LDLRAD4: variants seen among roughly 807,000 people sequenced by gnomAD.
LDLRAD4 encodes low density lipoprotein receptor class A domain containing 4.
In LDLRAD4, 5 loss-of-function variants were observed where a neutral mutation model predicts 17.0. The ratio of observed to expected loss-of-function variants is 0.29; its 90% CI spans 0.15 to 0.62. LDLRAD4 has a LOEUF of 0.62. Ranked by LOEUF, LDLRAD4 falls within the 20% of genes least tolerant of loss-of-function variation. The probability of loss-of-function intolerance (pLI) is 0.84; values close to 1 mark genes in which losing one functional copy is unlikely to be tolerated. For synonymous variants in LDLRAD4, 168 were observed against 171.8 expected, an observed-to-expected ratio of 0.98 and a Z score of 0.17; for missense variants, 340 against 424.7, an observed-to-expected ratio of 0.80 and a Z score of 1.75.
intron 4 of LDLRAD4, among the ~76,000 whole-genome samples, chr18:13,631,128 A>T (rs2041626514): frequency 6.6e-6 from 1 of 152,262 alleles, no homozygotes; most frequent in African/African-American, 2.4e-5. Context: ...ACCCTCAGTA[A>T]GTCATGGCTG....
At chr18:13,529,562 G>A (rs1272101186) in intron 3 of LDLRAD4, among the ~76,000 whole-genome samples, 3 of 152,204 alleles carry the variant, frequency 2.0e-5, no homozygotes, top group Admixed American at 1.3e-4. Flanking sequence ...AATAATACAT[G>A]CCTTTAGGAT....
At chr18:13,383,255 A>G (rs2085523142) in intron 1 of LDLRAD4, among the ~76,000 whole-genome samples, 4 of 152,208 alleles carry the variant, frequency 2.6e-5, no homozygotes, top group Admixed American at 2.6e-4. Context: ...ATACGTATTT[A>G]CTGGGCACCT....
At chr18:13,472,980 A>G (rs1185921529) in intron 3 of LDLRAD4, among the ~76,000 whole-genome samples, 1 of 152,180 alleles carries the variant, frequency 6.6e-6, no homozygotes, top group Admixed American at 6.5e-5. Flanking sequence ...TGTCATTATC[A>G]TTCTCTGAAC....
intron 4 of LDLRAD4, among the ~76,000 whole-genome samples, chr18:13,626,666 A>G (rs2041196372): frequency 6.6e-6 from 1 of 152,244 alleles, no homozygotes; most frequent in Non-Finnish European, 1.5e-5. Flanking sequence ...GATTAAATCG[A>G]TTGTGAAAAT....
intron 4 of LDLRAD4, among the ~76,000 whole-genome samples, chr18:13,640,154 G>A (rs1048356284): frequency 2.6e-5 from 4 of 152,004 alleles, no homozygotes; most frequent in African/African-American, 7.3e-5. Context: ...TTAGCTGGGT[G>A]TGGTGGCGGG....
intron 1 of LDLRAD4, among the ~76,000 whole-genome samples, chr18:13,313,447 C>T (rs1438539828): frequency 1.3e-5 from 2 of 152,184 alleles, no homozygotes; most frequent in Non-Finnish European, 2.9e-5. Flanking sequence ...CAGACGTGCC[C>T]TTGAACACTT....
intron 3 of LDLRAD4, among the ~76,000 whole-genome samples, chr18:13,603,357 TGGGACTTGTTGATCAG>T (rs2095185920): frequency 6.6e-6 from 1 of 152,198 alleles, no homozygotes; most frequent in South Asian, 2.1e-4. Flanking sequence ...GCCTTTTAAA[TGGGACTTGTTGATCAG>T]GAGCCTTCTG....
At chr18:13,220,253 A>G in intron 1 of LDLRAD4, among the ~76,000 whole-genome samples, 1 of 152,180 alleles carries the variant, frequency 6.6e-6, no homozygotes, top group Non-Finnish European at 1.5e-5. Flanking sequence ...CCAGTAAGGG[A>G]TTTGCTGTAA....
intron 3 of LDLRAD4, among the ~76,000 whole-genome samples, chr18:13,493,835 C>T (rs537055511): frequency 6.6e-6 from 1 of 152,240 alleles, no homozygotes; most frequent in East Asian, 1.9e-4. Flanking sequence ...TCCCTGCCTC[C>T]AGCCCCGTGG....
intron 2 of LDLRAD4, among the ~76,000 whole-genome samples, chr18:13,427,883 A>C (rs56203638): frequency 0.41 from 62,944 of 151,736 alleles, 14,081 homozygotes; most frequent in Non-Finnish European, 0.5. Flanking sequence ...GAGGATATTT[A>C]CTCAGCTAGA....
intron 2 of LDLRAD4, among the ~76,000 whole-genome samples, chr18:13,427,044 G>A (rs1454896564): frequency 6.6e-6 from 1 of 152,110 alleles, no homozygotes; most frequent in Non-Finnish European, 1.5e-5. Flanking sequence ...AAATGAGCCA[G>A]GCGTGGTGGT....
Position 13,271,528 on chromosome 18 carries a change from G to T in LDLRAD4, c.-466-6577G>T, listed in dbSNP as rs539520845. 8.5e-5 allele frequency among the ~76,000 whole-genome samples: 13 copies of T among 152,282 alleles called. No homozygotes were observed. In the South Asian group the frequency reaches 2.1e-3, roughly 24 times the overall value. On this transcript the variant is annotated intron_variant, in intron 1 of 5. Coordinates refer to the LDLRAD4 transcript ENST00000399848. Reference sequence around the variant, plus strand: ...GAAGACCAAAGAGTCCGGGTCGAAGGCCTCTTCTCAGTGTTCTTCCCCTTG... The same window carrying T: ...GAAGACCAAAGAGTCCGGGTCGAAGTCCTCTTCTCAGTGTTCTTCCCCTTG...
Position 13,475,998 on chromosome 18 carries a change from G to A in LDLRAD4, c.181+37614G>A, listed in dbSNP as rs553187701. ...GGAACAGGGTGTTTGTCAGGGGAAC[G>A]GGAGGTCAGCCTCATTAGAATGGGG... is the stretch of plus-strand genomic sequence containing the variant. On this transcript the variant is annotated intron_variant, in intron 3 of 5. Coordinates refer to ENST00000359446, the Ensembl canonical transcript of LDLRAD4. Among the ~76,000 whole-genome samples, 5 of 152,248 alleles carry A rather than the reference G, an allele frequency of 3.3e-5. No homozygotes were observed. In the East Asian group the frequency reaches 5.8e-4, roughly 18 times the overall value.
At chr18:13,527,911 T>C (rs894507156) in intron 3 of LDLRAD4, among the ~76,000 whole-genome samples, 2 of 152,092 alleles carry the variant, frequency 1.3e-5, no homozygotes, top group African/African-American at 4.8e-5. Context: ...GGACACCCAT[T>C]CTCAAAGCTT....
intron 1 of LDLRAD4, among the ~76,000 whole-genome samples, chr18:13,345,760 G>A (rs1013932306): frequency 2.2e-4 from 33 of 152,174 alleles, no homozygotes; most frequent in Admixed American, 2.6e-4. Context: ...TTCAGAGCCT[G>A]TTATTGGTCT....
chr18:13,464,736 C>G (rs979254475), intron 3 of LDLRAD4, among the ~76,000 whole-genome samples: 5 of 135,368 alleles, frequency 3.7e-5, no homozygotes, highest in African/African-American at 8.6e-5. Flanking sequence ...TTTTTTTTTT[C>G]ACATCGCTGT....
At chr18:13,594,089 G>A (rs2095061605) in intron 3 of LDLRAD4, among the ~76,000 whole-genome samples, 1 of 151,990 alleles carries the variant, frequency 6.6e-6, no homozygotes, top group Non-Finnish European at 1.5e-5. Flanking sequence ...TTATACACAT[G>A]TGTCTTGGGG....
At chr18:13,433,924 G>C (rs78554400) in intron 2 of LDLRAD4, among the ~76,000 whole-genome samples, 2,307 of 152,246 alleles carry the variant, frequency 0.015, 26 homozygotes, top group Non-Finnish European at 0.024. Context: ...GACAAAAAAG[G>C]GTTTCCTCTC....
chr18:13,221,641 G>A (rs1202218427), intron 1 of LDLRAD4, among the ~76,000 whole-genome samples: 1 of 152,126 alleles, frequency 6.6e-6, no homozygotes, highest in Non-Finnish European at 1.5e-5. Context: ...AAAATATTGG[G>A]TTTGAATTTT....
Sources: gnomAD v4.1 joint callset for allele counts (sites outside exome capture counted in the v4.1 genomes callset) on GRCh38, gnomAD v4.1.1 for gene constraint, MANE v1.5 for transcripts, NCBI Gene and HGNC (gene_info 2026-07-23, HGNC 2026-07-21) for gene names.